The following SP100 variants were observed in gnomAD, a reference collection of about 807,000 sequenced individuals.
SP100 encodes the protein nuclear autoantigen Sp-100.
SP100 carries 84 observed loss-of-function variants against 130.0 expected under a neutral mutation model. The observed-to-expected ratio is 0.65, with a 90% CI of 0.54 to 0.77. SP100 has a LOEUF of 0.77. Among genes scored for constraint, SP100 ranks in the 30% least tolerant of loss-of-function variants. The pLI, the probability that SP100 is intolerant of heterozygous loss-of-function variation, is 0.00. For synonymous variants in SP100, 331 were observed against 351.7 expected (o/e 0.94, Z 0.66); for missense variants, 978 against 1,052.2 (o/e 0.93, Z 0.97).
chr2:230,498,550 A>T lies in SP100; in HGVS notation c.1720+15A>T, dbSNP rs1307602049. Reference sequence around the variant, plus strand: ...GCAACAAAGAGGTAAAAAAAAAAAAATACATTTTAAATAAATAACGTCTAA... The same window carrying T: ...GCAACAAAGAGGTAAAAAAAAAAAATTACATTTTAAATAAATAACGTCTAA... On this transcript the variant is annotated intron_variant, in intron 19 of 28. Transcript: ENST00000340126. The T allele has an allele frequency of 2.3e-5, 24 of 1,044,592 alleles. No homozygotes were observed. The highest frequency in any genetic ancestry group is 2.5e-4 in the Middle Eastern group (1 of 3,932). 64.7% of individuals were successfully genotyped at this position (1,044,592 alleles called of 1,614,324 possible). A position where few individuals can be genotyped will look rare whatever the true frequency, so the allele number is the denominator to read the frequency against.
intron 20 of SP100, 133 bp downstream of exon 20, chr2:230,503,243 T>C (rs1294104387): frequency 1.1e-5 from 6 of 547,738 alleles, no homozygotes; most frequent in Admixed American, 7.1e-5. Context: ...GACCAGCAGT[T>C]CATTTTAAGA....
At chr2:230,461,159 G>A (rs1464775639) in intron 8 of SP100, 103 bp from the exon 9 acceptor site, 2 of 1,092,978 alleles carry the variant, frequency 1.8e-6, no homozygotes, top group Non-Finnish European at 2.7e-6. Flanking sequence ...GTGGGGTGAA[G>A]GTCTAGCCCC....
Position 230,509,773 on chromosome 2 carries a change from A to C in SP100, c.2053-1352A>C, listed in dbSNP as rs956322248. 6 of 152,212 alleles carry C rather than the reference A, an allele frequency of 3.9e-5. No individual in the cohort carries two copies. In the South Asian group the frequency reaches 1.2e-3, roughly 32 times the overall value. 9.4% of individuals were successfully genotyped at this position (152,212 alleles called of 1,614,324 possible). ...CTGCTGGTGATAGCTGAGATACCCCAGGATAATAAGTCATAAAAGTCCAAG... is the reference window on the plus strand; with the variant it reads ...CTGCTGGTGATAGCTGAGATACCCCCGGATAATAAGTCATAAAAGTCCAAG... On this transcript the variant is annotated intron_variant, in intron 23 of 28. Transcript: ENST00000340126.
chr2:230,417,672 A>G lies in SP100; in HGVS notation c.107+7A>G. On this transcript the variant is annotated splice_region_variant and intron_variant, in intron 2 of 28. Coordinates refer to ENST00000340126, the MANE Select transcript of SP100 (RefSeq NM_001080391.2). ...ACAGCCACGATTTGCAAAGGTGATGAATGAAGAGTTATGTCTTGTTTTAAT... is the reference window on the plus strand; with the variant it reads ...ACAGCCACGATTTGCAAAGGTGATGGATGAAGAGTTATGTCTTGTTTTAAT... 6.2e-7 allele frequency: 1 copy of G among 1,611,046 alleles called. No homozygotes were observed. The highest frequency in any genetic ancestry group is 1.1e-5 in the South Asian group (1 of 90,192).
chr2:230,467,690 A>G (rs2434048), intron 13 of SP100, among the ~76,000 whole-genome samples: 35,190 of 152,134 alleles, frequency 0.23, 4,945 homozygotes, highest in Middle Eastern at 0.33. Flanking sequence ...ATCTCTCCCC[A>G]TGATTCAATT....
chr2:230,453,075 CAA>C (rs2064094817), intron 8 of SP100, among the ~76,000 whole-genome samples: 1 of 152,094 alleles, frequency 6.6e-6, no homozygotes, highest in Non-Finnish European at 1.5e-5. Context: ...TTAATTGACT[CAA>C]GAGTTCAGCA....
intron 23 of SP100, chr2:230,510,514 T>A (rs1690501856): frequency 2.5e-4 from 12 of 47,276 alleles, no homozygotes; most frequent in Admixed American, 1.1e-3. Flanking sequence ...TTTTTTTTTT[T>A]TTTTTTTTTT....
intron 23 of SP100, chr2:230,509,913 A>G (rs544418485): frequency 6.6e-6 from 1 of 152,444 alleles, no homozygotes; most frequent in Admixed American, 6.5e-5. Context: ...ACAAAGCTCC[A>G]GGTGATGGGC....
chr2:230,473,475 C>A, intron 16 of SP100, 35 bp downstream of exon 16: 1 of 1,274,966 alleles, frequency 7.8e-7, no homozygotes, highest in Non-Finnish European at 1.1e-6. Flanking sequence ...ATGGAAGTGG[C>A]TCAGTGGATA....
chr2:230,534,412 A>C (rs1283652144), intron 24 of SP100, among the ~76,000 whole-genome samples: 1 of 152,242 alleles, frequency 6.6e-6, no homozygotes, highest in East Asian at 1.9e-4. Flanking sequence ...TCTCAAAAAA[A>C]AGAGAAGTCT....
intron 10 of SP100, 34 bp from the exon 11 acceptor site, chr2:230,464,031 ACT>A: frequency 7.3e-7 from 1 of 1,375,846 alleles, no homozygotes; most frequent in Non-Finnish European, 1.0e-6. Context: ...TTGGTCACAC[ACT>A]GAGACCTCTA....
In SP100 at chr2:230,522,837, C is replaced by G. The variant is rs192462888; in HGVS notation, c.2094+11671C>G. The stretch of plus-strand genomic sequence containing the variant: ...TATTTTTTACTTTATTTTTTTGAGG[C>G]AGAGTCTCGCTCTGTTGCCCAGGTT... On this transcript the variant is annotated intron_variant, in intron 24 of 28. Coordinates refer to ENST00000340126, the MANE Select transcript of SP100 (RefSeq NM_001080391.2). Among the ~76,000 whole-genome samples, 493 of 151,648 alleles carry G rather than the reference C, an allele frequency of 3.3e-3. 3 individuals carry two copies. Among genetic ancestry groups the G allele is most frequent in the Non-Finnish European group, 5.5e-3 (375 of 67,874 alleles).
intron 24 of SP100, chr2:230,515,295 T>G (rs1690847841): frequency 1.2e-5 from 20 of 1,611,598 alleles, no homozygotes; most frequent in Non-Finnish European, 1.7e-5. Flanking sequence ...AGTTCAAGGA[T>G]CCCAATGCAC....
chr2:230,441,101 A>G (rs2063450433), intron 2 of SP100, among the ~76,000 whole-genome samples: 1 of 152,176 alleles, frequency 6.6e-6, no homozygotes, highest in Non-Finnish European at 1.5e-5. Flanking sequence ...TCCATAATAT[A>G]TTTAAAAAAT....
intron 24 of SP100, among the ~76,000 whole-genome samples, chr2:230,524,741 A>C (rs912859993): frequency 1.3e-5 from 2 of 152,200 alleles, no homozygotes; most frequent in African/African-American, 4.8e-5. Context: ...GATATGGGGA[A>C]ACATGTTTCT....
At chr2:230,523,358 C>T (rs1431527563) in intron 24 of SP100, among the ~76,000 whole-genome samples, 1 of 152,082 alleles carries the variant, frequency 6.6e-6, no homozygotes, top group Non-Finnish European at 1.5e-5. Context: ...TTATGCCTAC[C>T]AAATTGGCTT....
chr2:230,442,790 T>C, intron 2 of SP100, 147 bp from the exon 3 acceptor site: 1 of 649,210 alleles, frequency 1.5e-6, no homozygotes, highest in Non-Finnish European at 2.7e-6. Context: ...GTTGCTTCAA[T>C]TGCATTTATT....
chr2:230,496,903 T>C (rs1362761532), intron 18 of SP100, among the ~76,000 whole-genome samples: 1 of 152,172 alleles, frequency 6.6e-6, no homozygotes, highest in Non-Finnish European at 1.5e-5. Flanking sequence ...CTTCATACCC[T>C]CTCAACATTC....
chr2:230,486,217 T>G (rs2066083702), intron 17 of SP100, among the ~76,000 whole-genome samples: 1 of 151,414 alleles, frequency 6.6e-6, no homozygotes, highest in Non-Finnish European at 1.5e-5. Flanking sequence ...AAGTGCCACA[T>G]TTTTTTTTAT....
Sources: allele counts gnomAD v4.1 joint callset (sites outside exome capture counted in the v4.1 genomes callset), GRCh38; gene constraint gnomAD v4.1.1; transcripts MANE v1.5; gene names NCBI Gene and HGNC (gene_info 2026-07-23, HGNC 2026-07-21).